Variants in C3orf70 observed in about 807,000 individuals in gnomAD.
C3orf70 encodes UPF0524 protein C3orf70.
A neutral mutation model predicts 20.7 loss-of-function variants in C3orf70; 15 were observed. The observed-to-expected ratio is 0.72, with a 90% CI of 0.48 to 1.11. The LOEUF is 1.11. Among genes scored for constraint, C3orf70 ranks in the 50% most tolerant of loss-of-function variants. The pLI, the probability that C3orf70 is intolerant of heterozygous loss-of-function variation, is 0.00. For synonymous variants in C3orf70, 161 were observed against 125.7 expected, an observed-to-expected ratio of 1.28 and a Z score of -1.88; for missense variants, 332 against 317.6, an observed-to-expected ratio of 1.05 and a Z score of -0.34.
At chr3:185,124,677 AT>A (rs1195808061) in intron 1 of C3orf70, among the ~76,000 whole-genome samples, 1 of 152,188 alleles carries the variant, frequency 6.6e-6, no homozygotes, top group African/African-American at 2.4e-5. Context: ...TTAAAAAAAA[AT>A]GTTAAATTGA....
chr3:185,089,570 C>T (rs1336665486), intron 1 of C3orf70, among the ~76,000 whole-genome samples: 1 of 152,098 alleles, frequency 6.6e-6, no homozygotes. Context: ...TTGCTAATGA[C>T]TCATTCAAAC....
chr3:185,091,914 T>A (rs1330040981), intron 1 of C3orf70, among the ~76,000 whole-genome samples: 1 of 8,642 alleles, frequency 1.2e-4, no homozygotes, highest in African/African-American at 8.0e-4. Context: ...CACACATACA[T>A]ATATATATAT....
chr3:185,118,108 T>G (rs1028978411), intron 1 of C3orf70, among the ~76,000 whole-genome samples: 1 of 152,218 alleles, frequency 6.6e-6, no homozygotes, highest in Non-Finnish European at 1.5e-5. Flanking sequence ...AGTTCTATGT[T>G]CTAATATGTC....
rs149688427 is a variant in C3orf70, at chr3:185,144,886, C to T, written c.196+7742G>A. Among the ~76,000 whole-genome samples the T allele has an allele frequency of 2.0e-5, 3 of 152,310 alleles. No individual in the cohort carries two copies. The East Asian group carries it at 5.8e-4, about 29-fold the overall frequency. Reference sequence around the variant, plus strand: ...GGTCCTGAGTAACTGGGACTATAGGCACCCACCATGGCGCTTGGATGAAAC... The same window carrying T: ...GGTCCTGAGTAACTGGGACTATAGGTACCCACCATGGCGCTTGGATGAAAC... On this transcript the variant is annotated intron_variant, in intron 1 of 1. Transcript: ENST00000335012.
intron 1 of C3orf70, among the ~76,000 whole-genome samples, chr3:185,144,467 T>C (rs1716815475): frequency 6.6e-6 from 1 of 152,122 alleles, no homozygotes; most frequent in Non-Finnish European, 1.5e-5. Flanking sequence ...TGCAATATAT[T>C]GTTTATTTAT....
chr3:185,128,442 C>T (rs1171867575), intron 1 of C3orf70, among the ~76,000 whole-genome samples: 2 of 151,700 alleles, frequency 1.3e-5, no homozygotes, highest in Non-Finnish European at 2.9e-5. Flanking sequence ...GCAGGAGAAT[C>T]GCCTGAACCC....
chr3:185,133,153 C>G (rs1204070858), intron 1 of C3orf70, among the ~76,000 whole-genome samples: 1 of 152,116 alleles, frequency 6.6e-6, no homozygotes, highest in African/African-American at 2.4e-5. Context: ...TTGGCAAAAA[C>G]TCAAAAGCTT....
chr3:185,152,657 T>G lies in C3orf70; in HGVS notation c.167A>C (p.His56Pro). The change falls in exon 1 of 2, where the codon CAC becomes CCC. Residue 56 changes from histidine to proline, a missense_variant. His to Pro is a moderately conservative substitution (Grantham distance 77, BLOSUM62 -2). Coordinates refer to ENST00000335012, the MANE Select transcript of C3orf70 (RefSeq NM_001025266.3). ...THSHGKCFKL[H>P]WCCHLGWCHC... ...ACACCATCCTAGGTGACAGCACCAG[T>G]GCAGCTTGAAGCACTTGCCATGGCT... is the stretch of plus-strand genomic sequence containing the variant. 1 of 1,589,428 alleles carries G rather than the reference T, an allele frequency of 6.3e-7. No individual in the cohort carries two copies.
At chr3:185,099,097 A>G (rs1715769224) in intron 1 of C3orf70, among the ~76,000 whole-genome samples, 1 of 152,240 alleles carries the variant, frequency 6.6e-6, no homozygotes, top group South Asian at 2.1e-4. Flanking sequence ...ATAATCCAAT[A>G]TGACCAATTT....
Position 185,152,943 on chromosome 3 carries a change from G to T in C3orf70, c.-120C>A. On this transcript the variant is annotated 5_prime_UTR_variant, in exon 1 of 2. It adds an upstream start codon to the 5' untranslated region. Transcript: ENST00000335012. Reference sequence around the variant, plus strand: ...GCGGCACGGGCCGGGAGTCACGCCAGCACGCGGCGGCGGCGGGAGCGCGGC... The same window carrying T: ...GCGGCACGGGCCGGGAGTCACGCCATCACGCGGCGGCGGCGGGAGCGCGGC... 1.1e-6 allele frequency: 1 copy of T among 897,242 alleles called. No individual in the cohort carries two copies. The highest frequency in any genetic ancestry group is 1.5e-6 in the Non-Finnish European group (1 of 678,916). 55.6% of individuals were successfully genotyped at this position (897,242 alleles called of 1,614,324 possible).
intron 1 of C3orf70, among the ~76,000 whole-genome samples, chr3:185,126,718 T>C (rs1432953959): frequency 6.6e-6 from 1 of 152,182 alleles, no homozygotes; most frequent in South Asian, 2.1e-4. Flanking sequence ...ACTGACTCCA[T>C]TGCTGGGTCC....
intron 1 of C3orf70, among the ~76,000 whole-genome samples, chr3:185,091,949 ATATATATATATATATTTTT>A (rs1184642321): frequency 0.17 from 1,353 of 8,122 alleles, 137 homozygotes; most frequent in Non-Finnish European, 0.2. Flanking sequence ...ATATATATAT[ATATATATATATATATTTTT>A]TTTTTTTTTT....
rs527431278 is a variant in C3orf70 at position 185,081,911 on chromosome 3, A to G, written c.*1096T>C. 1 of 152,748 alleles carries G rather than the reference A, an allele frequency of 6.5e-6. No homozygotes were observed. The highest frequency in any genetic ancestry group is 2.4e-5 in the African/African-American group (1 of 41,580). The allele number at this position is 152,748 out of a possible 1,614,324, so 9.5% of individuals were successfully genotyped here. On this transcript the variant is annotated 3_prime_UTR_variant, in exon 2 of 2. Transcript: ENST00000335012. ...CCATACGAATGCTTCATACAACCAA[A>G]TGAAGCAGAATTAATCAAACCTATT...
chr3:185,092,206 C>T (rs57256320), intron 1 of C3orf70, among the ~76,000 whole-genome samples: 3,625 of 151,906 alleles, frequency 0.024, 118 homozygotes, highest in African/African-American at 0.082. Context: ...CATGAAAATG[C>T]TTTCAAAGCA....
chr3:185,084,508 C>T (rs894482488), intron 1 of C3orf70, among the ~76,000 whole-genome samples: 2 of 151,740 alleles, frequency 1.3e-5, no homozygotes, highest in African/African-American at 4.8e-5. Context: ...GGTGTCTCCC[C>T]CGCACCCCTC....
In C3orf70 at chr3:185,082,973, G is replaced by C. The variant is rs375797500; in HGVS notation, c.*34C>G. ...CCAGACAAAGGTACAAAAGCTCGGC[G>C]TGGGTCCGAGGCTGTGGCTTCCTGT... is the stretch of plus-strand genomic sequence containing the variant. On this transcript the variant is annotated 3_prime_UTR_variant, in exon 2 of 2. Coordinates refer to ENST00000335012, the MANE Select transcript of C3orf70 (RefSeq NM_001025266.3). 1.3e-6 allele frequency: 2 copies of C among 1,582,310 alleles called. No individual in the cohort carries two copies. Among genetic ancestry groups the C allele is most frequent in the Non-Finnish European group, 1.7e-6 (2 of 1,163,362 alleles).
At chr3:185,143,815 T>C (rs376847758) in intron 1 of C3orf70, among the ~76,000 whole-genome samples, 2 of 152,206 alleles carry the variant, frequency 1.3e-5, no homozygotes, top group African/African-American at 4.8e-5. Flanking sequence ...ATGAGCTCTA[T>C]AATACTTGAA....
chr3:185,119,089 T>C (rs1295424263), intron 1 of C3orf70, among the ~76,000 whole-genome samples: 4 of 152,206 alleles, frequency 2.6e-5, no homozygotes, highest in Non-Finnish European at 5.9e-5. Context: ...AATGAGTCTT[T>C]AGTGGGCATA....
intron 1 of C3orf70, among the ~76,000 whole-genome samples, chr3:185,100,826 T>G (rs1715806880): frequency 6.6e-6 from 1 of 150,850 alleles, no homozygotes; most frequent in Non-Finnish European, 1.5e-5. Context: ...TAGATCCAAA[T>G]AAACACAATT....
Sources: gnomAD v4.1 joint callset for allele counts (sites outside exome capture counted in the v4.1 genomes callset) on GRCh38, gnomAD v4.1.1 for gene constraint, MANE v1.5 for transcripts, NCBI Gene and HGNC (gene_info 2026-07-23, HGNC 2026-07-21) for gene names.